Variants in CNST observed in about 807,000 individuals in gnomAD.
CNST encodes consortin.
A neutral mutation model predicts 72.4 loss-of-function variants in CNST; 39 were observed. The ratio of observed to expected loss-of-function variants is 0.54; its 90% CI spans 0.42 to 0.70. The LOEUF is 0.70. Among genes scored for constraint, CNST ranks in the 30% least tolerant of loss-of-function variants. The probability of loss-of-function intolerance (pLI) is 0.00; values close to 1 mark genes in which losing one functional copy is unlikely to be tolerated. For missense variants in CNST, 871 were observed against 868.5 expected (o/e 1.00, Z -0.04); for synonymous variants, 332 against 320.1 (o/e 1.04, Z -0.40).
chr1:246,592,033 CTTCT>C, intron 2 of CNST, 92 bp downstream of exon 2: 1 of 1,016,110 alleles, frequency 9.8e-7, no homozygotes, highest in South Asian at 1.7e-5. Flanking sequence ...CTGCACCTTG[CTTCT>C]TTGCTTACGA....
At chr1:246,637,499 T>C (rs1404486381) in intron 6 of CNST, among the ~76,000 whole-genome samples, 1 of 152,236 alleles carries the variant, frequency 6.6e-6, no homozygotes, top group Non-Finnish European at 1.5e-5. Flanking sequence ...AGACAAAAGT[T>C]CGTCCATACA....
chr1:246,635,366 C>T (rs1327535208), intron 6 of CNST, among the ~76,000 whole-genome samples: 2 of 151,704 alleles, frequency 1.3e-5, no homozygotes, highest in Non-Finnish European at 2.9e-5. Context: ...AGGGGAGAAA[C>T]AGGAGGACCC....
rs557208299 is a variant in CNST, at chr1:246,584,089, C to T, written c.-51-7423C>T. On this transcript the variant is annotated intron_variant, in intron 1 of 10. Transcript: ENST00000366513. Reference sequence around the variant, plus strand: ...CTGAGTAGCTAGAACCACAGGCACACGCCACCAAGCTCACCTAATATTTTA... The same window carrying T: ...CTGAGTAGCTAGAACCACAGGCACATGCCACCAAGCTCACCTAATATTTTA... Among the ~76,000 whole-genome samples, 8 of 152,232 alleles carry T rather than the reference C, an allele frequency of 5.3e-5. No individual in the cohort carries two copies. In the South Asian group the frequency reaches 1.5e-3, roughly 28 times the overall value.
intron 1 of CNST, 125 bp downstream of exon 1, chr1:246,566,788 G>T (rs3120714): frequency 2.5e-6 from 1 of 397,986 alleles, no homozygotes; most frequent in East Asian, 3.6e-5. Flanking sequence ...TCTGCCCTCC[G>T]GGTGAGGTGT....
chr1:246,622,331 T>C (rs371943399), intron 3 of CNST, among the ~76,000 whole-genome samples: 1 of 152,234 alleles, frequency 6.6e-6, no homozygotes, highest in South Asian at 2.1e-4. Flanking sequence ...TAAGTAAGTG[T>C]GGAATTTTGT....
At position 246,634,497 on chromosome 1, in the gene CNST, C is replaced by T; in HGVS notation, c.728C>T (p.Pro243Leu). 2 of 1,597,564 alleles carry T rather than the reference C, an allele frequency of 1.3e-6. No homozygotes were observed. The highest frequency in any genetic ancestry group is 4.5e-5 in the East Asian group (2 of 44,566). The change falls in exon 6 of 11, where the codon CCA (proline) becomes CTA (leucine). Residue 243 changes from proline to leucine, a missense_variant. Coordinates refer to ENST00000366513, the MANE Select transcript of CNST (RefSeq NM_152609.3). ...QWETKWKTVQ[P>L]HTVTALRNSE... ...GAAACAAAATGGAAAACTGTGCAACCACATACAGTTACGGCTCTAAGGAAT... is the reference window on the plus strand; with the variant it reads ...GAAACAAAATGGAAAACTGTGCAACTACATACAGTTACGGCTCTAAGGAAT...
chr1:246,652,983 T>A (rs373892743), intron 9 of CNST, among the ~76,000 whole-genome samples: 79 of 150,278 alleles, frequency 5.3e-4, no homozygotes, highest in Non-Finnish European at 8.7e-4. Context: ...CAGCCTGGGC[T>A]ACAGAGTGAG....
chr1:246,640,902 A>G (rs907959136), intron 6 of CNST, among the ~76,000 whole-genome samples: 4 of 152,192 alleles, frequency 2.6e-5, no homozygotes, highest in African/African-American at 7.2e-5. Flanking sequence ...GTATATGTCT[A>G]TGTCACTACC....
chr1:246,657,060 A>G (rs1666815752), intron 9 of CNST, among the ~76,000 whole-genome samples: 1 of 152,314 alleles, frequency 6.6e-6, no homozygotes, highest in African/African-American at 2.4e-5. Flanking sequence ...AACCGAGACC[A>G]TGACTTTGTT....
chr1:246,606,936 C>T (rs1229071410), intron 2 of CNST: 18 of 146,986 alleles, frequency 1.2e-4, no homozygotes, highest in Non-Finnish European at 2.0e-4. Flanking sequence ...CTAGGATTGT[C>T]GCATAGTGCA....
intron 1 of CNST, among the ~76,000 whole-genome samples, chr1:246,581,211 C>T (rs1296336300): frequency 6.6e-6 from 1 of 152,194 alleles, no homozygotes; most frequent in Non-Finnish European, 1.5e-5. Context: ...GATATGGTAA[C>T]AGCCACATTG....
At chr1:246,595,515 T>C (rs1055291637) in intron 2 of CNST, among the ~76,000 whole-genome samples, 1 of 152,200 alleles carries the variant, frequency 6.6e-6, no homozygotes, top group Non-Finnish European at 1.5e-5. Flanking sequence ...TGCAAAGAGT[T>C]TATGCATAGG....
intron 1 of CNST, among the ~76,000 whole-genome samples, chr1:246,581,811 T>A (rs1426629083): frequency 2.0e-5 from 3 of 152,258 alleles, no homozygotes; most frequent in Non-Finnish European, 2.9e-5. Flanking sequence ...TGGTTTATAT[T>A]ATTTTTTATT....
chr1:246,653,800 C>T (rs1300501446), intron 9 of CNST, among the ~76,000 whole-genome samples: 1 of 152,110 alleles, frequency 6.6e-6, no homozygotes, highest in Non-Finnish European at 1.5e-5. Context: ...ATAAGTTTCC[C>T]TGTCCCTTGT....
At chr1:246,582,058 G>A (rs1660817826) in intron 1 of CNST, among the ~76,000 whole-genome samples, 1 of 152,114 alleles carries the variant, frequency 6.6e-6, no homozygotes, top group South Asian at 2.1e-4. Flanking sequence ...CAAGTACGCA[G>A]TTGTTAATAA....
chr1:246,610,084 T>C (rs1663203593), intron 2 of CNST, among the ~76,000 whole-genome samples: 1 of 152,048 alleles, frequency 6.6e-6, no homozygotes, highest in Admixed American at 6.6e-5. Flanking sequence ...AGTTCAAGAC[T>C]GGCCTGGTCA....
intron 8 of CNST, among the ~76,000 whole-genome samples, chr1:246,644,029 G>A (rs1244197079): frequency 6.6e-6 from 1 of 152,120 alleles, no homozygotes; most frequent in East Asian, 1.9e-4. Context: ...CATAGCTGCT[G>A]TCCATCACCC....
intron 6 of CNST, 65 bp downstream of exon 6, chr1:246,634,652 G>C (rs1665032456): frequency 1.2e-6 from 1 of 810,448 alleles, no homozygotes; most frequent in African/African-American, 1.7e-5. Context: ...TTATAGCATT[G>C]AGTATCCATT....
At chr1:246,633,826 A>G (rs1664952375) in intron 4 of CNST, 98 bp from the exon 5 acceptor site, 1 of 717,058 alleles carries the variant, frequency 1.4e-6, no homozygotes, top group Non-Finnish European at 2.5e-6. Context: ...ATGTTTTAGT[A>G]AGCTGCAAAT....
Sources: gnomAD v4.1 joint callset for allele counts (sites outside exome capture counted in the v4.1 genomes callset) on GRCh38, gnomAD v4.1.1 for gene constraint, MANE v1.5 for transcripts, NCBI Gene and HGNC (gene_info 2026-07-23, HGNC 2026-07-21) for gene names.